IRF1: variants seen among roughly 807,000 people sequenced by gnomAD.
The protein encoded by IRF1 is interferon regulatory factor-1.
A neutral mutation model predicts 43.7 loss-of-function variants in IRF1; 13 were observed. The ratio of observed to expected loss-of-function variants is 0.30; its 90% CI spans 0.19 to 0.47. IRF1 has a LOEUF of 0.47. Among genes scored for constraint, IRF1 ranks in the 20% least tolerant of loss-of-function variants. The pLI, the probability that IRF1 is intolerant of heterozygous loss-of-function variation, is 0.99. For missense variants in IRF1, 236 were observed against 408.9 expected (o/e 0.58, Z 3.65); for synonymous variants, 138 against 146.8 (o/e 0.94, Z 0.43).
chr5:132,489,569 AC>A (rs1488691907), intron 1 of IRF1, 86 bp from the exon 2 acceptor site: 2 of 1,003,956 alleles, frequency 2.0e-6, no homozygotes, highest in Non-Finnish European at 3.1e-6. Context: ...TCACTTAGTT[AC>A]CCTCCCCTCA....
chr5:132,484,059 A>G lies in IRF1; in HGVS notation c.870T>C (p.Ser290=). The change falls in exon 10 of 10, where the codon AGT becomes AGC. Residue 290 remains serine, a synonymous_variant. Coordinates refer to ENST00000245414, the MANE Select transcript of IRF1 (RefSeq NM_002198.3). ...TCAGATCTGTGAAGACACGCTGTAGACTCAGCCCAATATCCCCTAGAAGAT... is the reference window on the plus strand; with the variant it reads ...TCAGATCTGTGAAGACACGCTGTAGGCTCAGCCCAATATCCCCTAGAAGAT... ...IDSPGGDIGL[S]LQRVFTDLKN... The G allele has an allele frequency of 1.2e-6, 2 of 1,613,930 alleles. No individual in the cohort carries two copies. Among genetic ancestry groups the G allele is most frequent in the Non-Finnish European group, 1.7e-6 (2 of 1,179,966 alleles).
intron 3 of IRF1, 153 bp from the exon 4 acceptor site, chr5:132,487,283 T>G (rs1754559789): frequency 6.7e-6 from 5 of 747,446 alleles, no homozygotes; most frequent in Non-Finnish European, 1.1e-5. Flanking sequence ...GGTGACACTC[T>G]GCAGGTCCTA....
At chr5:132,488,274 C>A in intron 2 of IRF1, 2 of 479,842 alleles carry the variant, frequency 4.2e-6, no homozygotes, top group South Asian at 2.2e-5. Flanking sequence ...CCTCCCTCTG[C>A]CTGTTACACA....
At chr5:132,488,215 G>C in intron 2 of IRF1, 190 bp from the exon 3 acceptor site, 1 of 573,236 alleles carries the variant, frequency 1.7e-6, no homozygotes, top group Non-Finnish European at 3.1e-6. Context: ...GGATCTCTCA[G>C]GAGGGACACC....
At position 132,486,538 on chromosome 5, in the gene IRF1, C is replaced by A. The variant is rs1206847076; in HGVS notation, c.544+19G>T. The A allele has an allele frequency of 3.1e-6, 5 of 1,613,700 alleles. No individual in the cohort carries two copies. Among genetic ancestry groups the A allele is most frequent in the Non-Finnish European group, 4.2e-6 (5 of 1,179,912 alleles). On this transcript the variant is annotated intron_variant, in intron 6 of 9. Coordinates refer to ENST00000245414, the MANE Select transcript of IRF1 (RefSeq NM_002198.3). ...CCCACTGACCTGTGGGGTCTCCTGC[C>A]AGACCTGGACCAGCTCACCTGGAGT...
In IRF1 at chr5:132,487,918, G is replaced by A. The variant is rs1393550055; in HGVS notation, c.187+8C>T. On this transcript the variant is annotated splice_region_variant and intron_variant, in intron 3 of 9. Coordinates refer to ENST00000245414, the MANE Select transcript of IRF1 (RefSeq NM_002198.3). ...TGGGCTTCCTAGGCCTGAGTCCCAG[G>A]CACACACCTGTGTGAATGGCCCAGC... 4 of 1,606,376 alleles carry A rather than the reference G, an allele frequency of 2.5e-6. No individual in the cohort carries two copies. The highest frequency in any genetic ancestry group is 3.4e-6 in the Non-Finnish European group (4 of 1,173,512).
intron 3 of IRF1, chr5:132,487,638 G>A: frequency 2.1e-6 from 1 of 474,188 alleles, no homozygotes; most frequent in South Asian, 2.3e-5. Flanking sequence ...CAGTGCCCTG[G>A]CTTACAGCTG....
At chr5:132,485,558 C>G (rs1312261823) in intron 8 of IRF1, 109 bp downstream of exon 8, 1 of 881,642 alleles carries the variant, frequency 1.1e-6, no homozygotes, top group African/African-American at 1.6e-5. Flanking sequence ...ATGCAAGCAG[C>G]CAGGTGACAA....
intron 7 of IRF1, chr5:132,485,932 C>T (rs571865915): frequency 1.3e-4 from 78 of 603,950 alleles, no homozygotes; most frequent in South Asian, 1.0e-3. Context: ...CCTGAAGCCA[C>T]GCCGCTTCCC....
intron 7 of IRF1, 82 bp from the exon 8 acceptor site, chr5:132,485,798 C>T: frequency 9.7e-7 from 1 of 1,033,186 alleles, no homozygotes; most frequent in South Asian, 1.3e-5. Context: ...ACCAGATCCC[C>T]CTGCCCTTTC....
chr5:132,485,356 G>T, intron 8 of IRF1: 1 of 369,488 alleles, frequency 2.7e-6, no homozygotes, highest in Non-Finnish European at 5.1e-6. Flanking sequence ...CGAACTAGCA[G>T]GGCTGGGGCA....
intron 3 of IRF1, 149 bp from the exon 4 acceptor site, chr5:132,487,279 ACT>A (rs1401461789): frequency 1.7e-5 from 13 of 753,776 alleles, no homozygotes; most frequent in Middle Eastern, 7.0e-4. Flanking sequence ...TCCCGGTGAC[ACT>A]CTGCAGGTCC....
chr5:132,484,541 A>G (rs1434882081), intron 8 of IRF1, 44 bp from the exon 9 acceptor site: 1 of 1,611,814 alleles, frequency 6.2e-7, no homozygotes, highest in Admixed American at 1.7e-5. Context: ...CTTCCAGTGC[A>G]GACTCACCCT....
Position 132,483,858 on chromosome 5 carries a change from A to G in IRF1, c.*93T>C. 1 of 1,509,928 alleles carries G rather than the reference A, an allele frequency of 6.6e-7. No homozygotes were observed. The highest frequency in any genetic ancestry group is 9.0e-7 in the Non-Finnish European group (1 of 1,105,340). 93.5% of individuals were successfully genotyped at this position (1,509,928 alleles called of 1,614,324 possible). A position where few individuals can be genotyped will look rare whatever the true frequency, so the allele number is the denominator to read the frequency against. ...GCAGTGGGGTCACACTTGGCTGTTGAGGGGCCCACAGAAGTCCAGCTTCTC... is the reference window on the plus strand; with the variant it reads ...GCAGTGGGGTCACACTTGGCTGTTGGGGGGCCCACAGAAGTCCAGCTTCTC... On this transcript the variant is annotated 3_prime_UTR_variant, in exon 10 of 10. Coordinates refer to ENST00000245414, the MANE Select transcript of IRF1 (RefSeq NM_002198.3).
chr5:132,485,852 C>CA, intron 7 of IRF1, 136 bp from the exon 8 acceptor site: 1 of 693,586 alleles, frequency 1.4e-6, no homozygotes, highest in Admixed American at 2.1e-5. Context: ...CACACACACC[C>CA]TCCCGGTGGA....
intron 3 of IRF1, 139 bp from the exon 4 acceptor site, chr5:132,487,269 T>A: frequency 2.5e-6 from 2 of 807,658 alleles, no homozygotes; most frequent in Non-Finnish European, 4.1e-6. Context: ...CAGCAGGTAC[T>A]CCCGGTGACA....
Position 132,486,696 on chromosome 5 carries a change from G to T in IRF1, c.415-10C>A. On this transcript the variant is annotated splice_polypyrimidine_tract_variant and intron_variant, in intron 5 of 9. Coordinates refer to ENST00000245414, the MANE Select transcript of IRF1 (RefSeq NM_002198.3). ...TGGAATCCCCACATGACTGTCGAGG[G>T]AGAAAGCAGCTTAGGCCCAGGCCCA... 6.2e-7 allele frequency: 1 copy of T among 1,613,862 alleles called. No homozygotes were observed. The highest frequency in any genetic ancestry group is 8.5e-7 in the Non-Finnish European group (1 of 1,179,776).
At chr5:132,485,377 G>T in intron 8 of IRF1, 1 of 406,516 alleles carries the variant, frequency 2.5e-6, no homozygotes, top group Non-Finnish European at 4.6e-6. Flanking sequence ...TGTTGGGGCA[G>T]AGGATGCAGG....
rs1470053452 is a variant in IRF1, at chr5:132,481,914, C to T, written c.*2037G>A. 1 of 152,412 alleles carries T rather than the reference C, an allele frequency of 6.6e-6. No homozygotes were observed. The highest frequency in any genetic ancestry group is 1.5e-5 in the Non-Finnish European group (1 of 68,050). 9.4% of individuals were successfully genotyped at this position (152,412 alleles called of 1,614,324 possible). On this transcript the variant is annotated 3_prime_UTR_variant, in exon 10 of 10. Transcript: ENST00000245414. Reference sequence around the variant, plus strand: ...CTATGGCACATGCCTCAAAACTTAACACTCCTTGGGCCCCAGGAGCCCAGA... The same window carrying T: ...CTATGGCACATGCCTCAAAACTTAATACTCCTTGGGCCCCAGGAGCCCAGA...
Sources: gnomAD v4.1 joint callset for allele counts on GRCh38, gnomAD v4.1.1 for gene constraint, MANE v1.5 for transcripts, NCBI Gene and HGNC (gene_info 2026-07-23, HGNC 2026-07-21) for gene names.